Variants in PHF14 observed in about 807,000 individuals in gnomAD.
PHF14 encodes the protein PHD finger protein 14.
In PHF14, 55 loss-of-function variants were observed where a neutral mutation model predicts 117.9. That is an observed-to-expected ratio of 0.47 (90% CI 0.38 to 0.58). PHF14 has a LOEUF of 0.58. Among genes scored for constraint, PHF14 ranks in the 20% least tolerant of loss-of-function variants. PHF14 has a pLI of 0.00. For synonymous variants in PHF14, 409 were observed against 368.6 expected (o/e 1.11, Z -1.26); for missense variants, 978 against 1,122.2 (o/e 0.87, Z 1.84).
intron 13 of PHF14, among the ~76,000 whole-genome samples, chr7:11,044,896 G>A (rs1784616486): frequency 6.6e-6 from 1 of 152,090 alleles, no homozygotes; most frequent in East Asian, 1.9e-4. Context: ...CCTACTGGTC[G>A]AGTATCCCAA....
intron 17 of PHF14, among the ~76,000 whole-genome samples, chr7:11,148,601 G>C (rs998364983): frequency 1.3e-5 from 2 of 152,126 alleles, no homozygotes; most frequent in African/African-American, 4.8e-5. Context: ...TCTGTTAACA[G>C]TTTGTTGCCT....
chr7:11,062,703 T>C, intron 16 of PHF14: 34 of 985,302 alleles, frequency 3.5e-5, no homozygotes, highest in Non-Finnish European at 4.1e-5. Flanking sequence ...TAGCTGATGC[T>C]GCACATTGGC....
chr7:11,037,547 A>G (rs1241873531), intron 10 of PHF14, among the ~76,000 whole-genome samples: 1 of 152,128 alleles, frequency 6.6e-6, no homozygotes, highest in Non-Finnish European at 1.5e-5. Flanking sequence ...AAATTTAGAA[A>G]CTTTTCTTTA....
Position 11,040,686 on chromosome 7 carries a change from G to A in PHF14, c.2091G>A (p.Pro697=), listed in dbSNP as rs776891626. The A allele has an allele frequency of 7.1e-6, 11 of 1,547,988 alleles. No homozygotes were observed. The highest frequency in any genetic ancestry group is 4.8e-5 in the East Asian group (2 of 42,042). Reference sequence around the variant, plus strand: ...CAAATCAATAGAAGTTGAATATACCGGCAATTTTGCGAGCACCCAAGGAGA... The same window carrying A: ...CAAATCAATAGAAGTTGAATATACCAGCAATTTTGCGAGCACCCAAGGAGA... The part of the protein sequence containing the change: ...GRITGQKLNI[P]AILRAPKERK... Residue 697 remains proline (P), a synonymous_variant, in exon 12 of 18, where the codon CCG becomes CCA. Transcript: ENST00000634607.
At chr7:11,103,274 G>T (rs1787151967) in intron 16 of PHF14, 1 of 861,374 alleles carries the variant, frequency 1.2e-6, no homozygotes, top group African/African-American at 1.9e-5. Context: ...GATATTTTTA[G>T]TAATACCCAA....
intron 17 of PHF14, among the ~76,000 whole-genome samples, chr7:11,157,416 C>G (rs1285769290): frequency 6.6e-6 from 1 of 151,578 alleles, no homozygotes; most frequent in African/African-American, 2.4e-5. Flanking sequence ...TGTTGATTGC[C>G]AAATATTTTT....
Position 11,035,681 on chromosome 7 carries a change from A to T in PHF14, c.1497A>T (p.Ala499=), listed in dbSNP as rs59807745. 1.0e-3 allele frequency: 1,632 copies of T among 1,609,974 alleles called. 18 individuals are homozygous for T. The African/African-American group carries it at 0.02, about 20-fold the overall frequency. The stretch of plus-strand genomic sequence containing the variant: ...TCTTTGCTTATTGTAAGCAACATGC[A>T]GATAGGTTAGACAGAAAGTGGAAGA... ...DPFFAYCKQH[A]DRLDRKWKRK... Residue 499 remains alanine, a synonymous_variant, in exon 8 of 18, where the codon GCA becomes GCT. Transcript: ENST00000634607.
chr7:10,976,787 C>T (rs1045573291), intron 2 of PHF14, among the ~76,000 whole-genome samples: 1 of 150,116 alleles, frequency 6.7e-6, no homozygotes, highest in Non-Finnish European at 1.5e-5. Flanking sequence ...CTATATATCC[C>T]TTAAACACAC....
intron 4 of PHF14, among the ~76,000 whole-genome samples, chr7:11,000,513 A>G (rs1394791027): frequency 1.3e-5 from 2 of 151,324 alleles, no homozygotes; most frequent in Non-Finnish European, 2.9e-5. Context: ...CTAATTTTTT[A>G]TTTTTAGTAG....
At chr7:11,151,072 CA>C (rs75271767) in intron 17 of PHF14, among the ~76,000 whole-genome samples, 1 of 149,934 alleles carries the variant, frequency 6.7e-6, no homozygotes, top group Non-Finnish European at 1.5e-5. Flanking sequence ...GAATCTTAGA[CA>C]AAAAAACCTG....
chr7:11,062,094 G>T lies in PHF14; in HGVS notation c.2654+9G>T, dbSNP rs770888178. On this transcript the variant is annotated intron_variant, in intron 16 of 17. Coordinates refer to ENST00000634607, the MANE Select transcript of PHF14 (RefSeq NM_001007157.2). ...AATGAAAATCTTGTCAGGTAAGTTG[G>T]ATGCTAAAACCTTGTCTTTAGGGGA... 5.0e-6 allele frequency: 8 copies of T among 1,601,182 alleles called. No homozygotes were observed. In the South Asian group the frequency reaches 9.1e-5, roughly 18 times the overall value.
intron 5 of PHF14, among the ~76,000 whole-genome samples, chr7:11,022,168 T>C (rs1319223825): frequency 2.0e-5 from 3 of 152,198 alleles, no homozygotes; most frequent in African/African-American, 7.2e-5. Flanking sequence ...ACTGAAACTC[T>C]GAGCATTCTT....
intron 17 of PHF14, among the ~76,000 whole-genome samples, chr7:11,155,192 T>C (rs1788807634): frequency 6.6e-6 from 1 of 152,178 alleles, no homozygotes; most frequent in African/African-American, 2.4e-5. Flanking sequence ...GTTACTGCCA[T>C]TTTATAGATG....
chr7:11,058,367 C>T (rs753764759), intron 14 of PHF14, among the ~76,000 whole-genome samples: 12 of 151,816 alleles, frequency 7.9e-5, no homozygotes, highest in African/African-American at 1.9e-4. Context: ...TATGAATTTT[C>T]GTAGTTATAG....
rs777657546 is a variant in PHF14, at chr7:11,042,747, C to T, written c.2245C>T (p.His749Tyr). 6.3e-7 allele frequency: 1 copy of T among 1,592,586 alleles called. No individual in the cohort carries two copies. The highest frequency in any genetic ancestry group is 1.1e-5 in the South Asian group (1 of 88,582). ...LLLLCDTCKLHYHLGCLDPPL... is the reference protein window; with the variant it reads ...LLLLCDTCKLYYHLGCLDPPL... ...TTTATTGTGTGATACCTGTAAACTA[C>T]ATTACCATCTTGGATGTCTGGATCC... The change falls in exon 13 of 18, where the codon CAT becomes TAT. Residue 749 changes from histidine (H) to tyrosine (Y), a missense_variant. Physicochemically the swap from His to Tyr is moderately conservative, Grantham distance 83. Around this residue, in one of 7 missense-constraint regions of PHF14, gnomAD observed 17 missense variants for 52.9 expected, o/e 0.32. Transcript: ENST00000634607.
rs1784332866 is a variant in PHF14 at position 11,036,625 on chromosome 7, G to A, written c.1810G>A (p.Val604Met). The change falls in exon 9 of 18, where the codon GTG becomes ATG. Residue 604 changes from valine (V) to methionine (M), a missense_variant. Physicochemically the swap from Val to Met is conservative, Grantham distance 21. Transcript: ENST00000634607. ...PVDNSDTSSS[V>M]DGRRKHKQPA... ...GGACAATTCAGATACTAGTTCTAGT[G>A]TGGATGGAAGGAGAAAACATAAGCA... The A allele has an allele frequency of 6.2e-7, 1 of 1,613,812 alleles. No individual in the cohort carries two copies. The highest frequency in any genetic ancestry group is 8.5e-7 in the Non-Finnish European group (1 of 1,179,732).
chr7:11,160,942 G>A (rs1329578151), intron 17 of PHF14, among the ~76,000 whole-genome samples: 13 of 151,890 alleles, frequency 8.6e-5, no homozygotes. Flanking sequence ...TCAATTTTTG[G>A]TTTTGTCGCA....
chr7:11,158,339 T>G (rs1332245967), intron 17 of PHF14, among the ~76,000 whole-genome samples: 1 of 152,130 alleles, frequency 6.6e-6, no homozygotes, highest in Non-Finnish European at 1.5e-5. Flanking sequence ...CTTAATATTT[T>G]CTCATGATTA....
chr7:11,107,547 A>T, intron 16 of PHF14: 1 of 884,652 alleles, frequency 1.1e-6, no homozygotes. Context: ...TGTTTATTAG[A>T]GGCTTAAATG....
Sources: allele counts gnomAD v4.1 joint callset (sites outside exome capture counted in the v4.1 genomes callset), GRCh38; gene constraint gnomAD v4.1.1; regional missense constraint gnomAD v4.1.1; transcripts MANE v1.5; gene names NCBI Gene and HGNC (gene_info 2026-07-23, HGNC 2026-07-21).